The following MUC5AC variants were observed in gnomAD, a reference collection of about 807,000 sequenced individuals.
MUC5AC encodes the protein mucin 5AC, oligomeric mucus/gel-forming, also known as mucin-5AC.
Under a neutral mutation model 169.7 loss-of-function variants are expected in MUC5AC, and 158 were observed. The observed-to-expected ratio is 0.93, with a 90% CI of 0.82 to 1.06. The LOEUF (loss-of-function observed/expected upper bound fraction) is 1.06. Ranked by LOEUF, MUC5AC falls within the 50% of genes least tolerant of loss-of-function variation. The pLI is 0.00. For missense variants in MUC5AC, 4,359 were observed against 3,089.9 expected (o/e 1.41, Z -9.74); for synonymous variants, 1,975 against 1,237.0 (o/e 1.60, Z -12.52).
At chr11:1,193,913 A>G (rs1861189769) in intron 33 of MUC5AC, among the ~76,000 whole-genome samples, 197 bp from the exon 34 acceptor site, 1 of 152,236 alleles carries the variant, frequency 6.6e-6, no homozygotes, top group African/African-American at 2.4e-5. Flanking sequence ...GCCTCGCTCC[A>G]GCCTTGTCAA....
At position 1,168,866 on chromosome 11, in the gene MUC5AC, C is replaced by G. The variant is rs1175992775; in HGVS notation, c.1710C>G (p.Leu570=). The change falls in exon 15 of 49, where the codon CTC becomes CTG. Residue 570 remains leucine (L), a synonymous_variant. Coordinates refer to ENST00000621226, the MANE Select transcript of MUC5AC (RefSeq NM_001304359.2). The part of the protein sequence containing the change: ...APKLRGQTCG[L]CGNFNSIQAD... The stretch of plus-strand genomic sequence containing the variant: ...ACCTGCCTAACCCGCCCCCAGGTCT[C>G]TGTGGGAACTTCAACAGCATCCAGG... The G allele has an allele frequency of 1.3e-6, 2 of 1,594,714 alleles. No homozygotes were observed. The highest frequency in any genetic ancestry group is 2.2e-5 in the East Asian group (1 of 44,570).
At position 1,180,114 on chromosome 11, in the gene MUC5AC, C is replaced by T. The variant is rs1352021829; in HGVS notation, c.3577C>T (p.Arg1193Cys). 3.8e-5 allele frequency: 15 copies of T among 398,916 alleles called. No homozygotes were observed. The highest frequency in any genetic ancestry group is 6.2e-5 in the African/African-American group (3 of 48,616). The allele number at this position is 398,916 out of a possible 1,614,324, so 24.7% of individuals were successfully genotyped here. Residue 1193 changes from arginine (R) to cysteine (C), a missense_variant, in exon 27 of 49, where the codon CGT becomes TGT. Transcript: ENST00000621226. Reference sequence around the variant, plus strand: ...CTGCCTGCGCACCTGCCGGAACCCCCGTGGAGACTGCCTGCGGGACGTCCG... The same window carrying T: ...CTGCCTGCGCACCTGCCGGAACCCCTGTGGAGACTGCCTGCGGGACGTCCG... Reference protein sequence around the residue: ...VPCLRTCRNPRGDCLRDVRGL... With the variant: ...VPCLRTCRNPCGDCLRDVRGL...
Position 1,194,134 on chromosome 11 carries a change from C to T in MUC5AC, c.14780C>T (p.Pro4927Leu), listed in dbSNP as rs1181030784. 1.3e-6 allele frequency: 1 copy of T among 764,894 alleles called. No individual in the cohort carries two copies. The highest frequency in any genetic ancestry group is 2.4e-6 in the Non-Finnish European group (1 of 417,850). The allele number at this position is 764,894 out of a possible 1,614,324, so 47.4% of individuals were successfully genotyped here. A position where few individuals can be genotyped will look rare whatever the true frequency, so the allele number is the denominator to read the frequency against. Reference protein sequence around the residue: ...CQCVCSGWGDPHYITFDGTYY... With the variant: ...CQCVCSGWGDLHYITFDGTYY... ...GGTGTGTGCAGCGGCTGGGGTGACC[C>T]CCACTACATCACCTTCGACGGCACC... The change falls in exon 34 of 49, where the codon CCC becomes CTC. Residue 4927 changes from proline (P) to leucine (L), a missense_variant. Physicochemically the swap from Pro to Leu is moderately conservative, Grantham distance 98. Coordinates refer to ENST00000621226, the MANE Select transcript of MUC5AC (RefSeq NM_001304359.2).
chr11:1,160,245 G>A (rs1414124865), intron 1 of MUC5AC, among the ~76,000 whole-genome samples: 1 of 152,152 alleles, frequency 6.6e-6, no homozygotes, highest in Non-Finnish European at 1.5e-5. Context: ...CAGCCCCTCA[G>A]TGGGATCACT....
intron 15 of MUC5AC, among the ~76,000 whole-genome samples, chr11:1,170,913 C>CCTCA (rs1278044308): frequency 7.8e-6 from 1 of 128,204 alleles, no homozygotes; most frequent in Non-Finnish European, 1.6e-5. Flanking sequence ...CACTCACTCA[C>CCTCA]CTCACTCACT....
At chr11:1,181,099 C>T (rs1383721853) in intron 28 of MUC5AC, 40 bp from the exon 29 acceptor site, 26 of 398,410 alleles carry the variant, frequency 6.5e-5, no homozygotes, top group Non-Finnish European at 7.5e-5. Context: ...GGCACACGGC[C>T]GCCCCCACGC....
At chr11:1,170,674 A>C (rs1234525693) in intron 15 of MUC5AC, among the ~76,000 whole-genome samples, 4,283 of 21,194 alleles carry the variant, frequency 0.2, no homozygotes, top group Non-Finnish European at 0.22. Context: ...CCCACTCACC[A>C]ACTCACCCAT....
chr11:1,167,967 A>C lies in MUC5AC; in HGVS notation c.1477A>C (p.Ser493Arg). 1 of 1,550,678 alleles carries C rather than the reference A, an allele frequency of 6.4e-7. No homozygotes were observed. Among genetic ancestry groups the C allele is most frequent in the Non-Finnish European group, 8.7e-7 (1 of 1,147,300 alleles). ...GACCTGCCTGAAGAGCGTGACACTG[A>C]GCCTGGATGGGGCGCAGACGGTGAG... ...SETCLKSVTL[S>R]LDGAQTVVVI... Residue 493 changes from serine (S) to arginine (R), a missense_variant, in exon 12 of 49, where the codon AGC (serine) becomes CGC (arginine). Ser to Arg is a moderately radical substitution (Grantham distance 110). Coordinates refer to ENST00000621226, the MANE Select transcript of MUC5AC (RefSeq NM_001304359.2).
intron 48 of MUC5AC, 99 bp downstream of exon 48, chr11:1,200,068 T>G: frequency 1.6e-6 from 1 of 625,160 alleles, no homozygotes; most frequent in Non-Finnish European, 2.8e-6. Flanking sequence ...GGCAGGACCA[T>G]GAGGGGCCAG....
Position 1,192,341 on chromosome 11 carries a change from G to A in MUC5AC, c.14196G>A (p.Pro4732=), listed in dbSNP as rs72846342. The part of the protein sequence containing the change: ...VLCCETPRGC[P]VTSVTPYGTS... ...GCTGCGAGACCCCCAGAGGCTGCCCGGTGACCTCTGTGACCCCATATGGGA... is the reference window on the plus strand; with the variant it reads ...GCTGCGAGACCCCCAGAGGCTGCCCAGTGACCTCTGTGACCCCATATGGGA... Residue 4732 remains proline, a synonymous_variant, in exon 31 of 49, where the codon CCG becomes CCA. Coordinates refer to ENST00000621226, the MANE Select transcript of MUC5AC (RefSeq NM_001304359.2). The A allele has an allele frequency of 2.1e-5, 16 of 765,068 alleles. No individual in the cohort carries two copies. Among genetic ancestry groups the A allele is most frequent in the African/African-American group, 1.9e-4 (11 of 59,240 alleles). 47.4% of individuals were successfully genotyped at this position (765,068 alleles called of 1,614,324 possible).
At position 1,168,518 on chromosome 11, in the gene MUC5AC, GA is replaced by G; in HGVS notation, c.1535del (p.Asn512ThrfsTer34). 1 of 1,518,862 alleles carries G rather than the reference GA, an allele frequency of 6.6e-7. No homozygotes were observed. The highest frequency in any genetic ancestry group is 8.8e-7 in the Non-Finnish European group (1 of 1,130,964). The allele number at this position is 1,518,862 out of a possible 1,614,324, so 94.1% of individuals were successfully genotyped here. A position where few individuals can be genotyped will look rare whatever the true frequency, so the allele number is the denominator to read the frequency against. On this transcript the variant is annotated frameshift_variant, in exon 13 of 49. Coordinates refer to ENST00000621226, the MANE Select transcript of MUC5AC (RefSeq NM_001304359.2). LOFTEE classifies it high-confidence loss of function. ...VIKASGEVFL[N>X]QIYTQLPISA... The stretch of plus-strand genomic sequence containing the variant: ...TCAAGGCCAGTGGGGAAGTGTTCCT[GA>G]ACCAGATCTACACCCAGCTGCCCAT...
Position 1,167,865 on chromosome 11 carries a change from C to A in MUC5AC, c.1387-12C>A. On this transcript the variant is annotated splice_polypyrimidine_tract_variant and intron_variant, in intron 11 of 48. Transcript: ENST00000621226. ...TGGAGTGTGAGGACCCCTGGTGTGT[C>A]GTGTTCCGCAGCCCTGTGACAGCAG... 6.5e-7 allele frequency: 1 copy of A among 1,548,838 alleles called. No individual in the cohort carries two copies. The highest frequency in any genetic ancestry group is 8.7e-7 in the Non-Finnish European group (1 of 1,145,962).
chr11:1,175,684 GCACA>G lies in MUC5AC; in HGVS notation c.2401+420_2401+423del, dbSNP rs1324731167. ...TACACACGCACTCACACCCACTCAT[GCACA>G]CACACCCATTCATACTCATGCACAC... On this transcript the variant is annotated intron_variant, in intron 19 of 48. Coordinates refer to ENST00000621226, the MANE Select transcript of MUC5AC (RefSeq NM_001304359.2). Among the ~76,000 whole-genome samples the G allele has an allele frequency of 5.1e-5, 7 of 136,362 alleles. No individual in the cohort carries two copies. In the Admixed American group the frequency reaches 5.2e-4, roughly 10 times the overall value. The allele number at this position is 136,362 out of a possible 152,430, so 89.5% of individuals were successfully genotyped here. A position where few individuals can be genotyped will look rare whatever the true frequency, so the allele number is the denominator to read the frequency against.
chr11:1,197,660 G>T (rs1861312339), intron 41 of MUC5AC, 21 bp downstream of exon 41: 1 of 676,036 alleles, frequency 1.5e-6, no homozygotes, highest in East Asian at 2.7e-5. Context: ...TGCTGGGTGA[G>T]GGGCATGGTG....
Position 1,164,484 on chromosome 11 carries a change from TC to T in MUC5AC, c.1084del (p.Arg362GlyfsTer99). On this transcript the variant is annotated frameshift_variant, in exon 9 of 49. Coordinates refer to ENST00000621226, the MANE Select transcript of MUC5AC (RefSeq NM_001304359.2). LOFTEE classifies it high-confidence loss of function. ...AGACACCTGCTCCAACCAGGAGCAC[TC>T]CCGGGCCTGTGAGGACCACTGTGTG... is the stretch of plus-strand genomic sequence containing the variant. ...CADTCSNQEH[S>X]RACEDHCVAG... 6.2e-7 allele frequency: 1 copy of T among 1,611,774 alleles called. No homozygotes were observed. The highest frequency in any genetic ancestry group is 8.5e-7 in the Non-Finnish European group (1 of 1,179,536).
At chr11:1,200,368 G>T in intron 48 of MUC5AC, 70 bp from the exon 49 acceptor site, 1 of 624,130 alleles carries the variant, frequency 1.6e-6, no homozygotes. Context: ...CCAGAGCTCG[G>T]CACGGCGCCG....
In MUC5AC at chr11:1,190,536, T is replaced by C. The variant is rs1240594498; in HGVS notation, c.12391T>C (p.Ser4131Pro). 10 of 668,842 alleles carry C rather than the reference T, an allele frequency of 1.5e-5. No individual in the cohort carries two copies. Among genetic ancestry groups the C allele is most frequent in the Non-Finnish European group, 2.8e-5 (10 of 360,630 alleles). 41.4% of individuals were successfully genotyped at this position (668,842 alleles called of 1,614,324 possible). The stretch of plus-strand genomic sequence containing the variant: ...CTCTGCCCCTACAACCAGCACAACC[T>C]CTGCCCCTACAACCAGCACGACCTC... ...TTSAPTTSTT[S>P]APTTSTTSAP... The change falls in exon 31 of 49, where the codon TCT becomes CCT. Residue 4131 changes from serine to proline, a missense_variant. Coordinates refer to ENST00000621226, the MANE Select transcript of MUC5AC (RefSeq NM_001304359.2).
intron 28 of MUC5AC, 43 bp from the exon 29 acceptor site, chr11:1,181,096 G>C: frequency 2.5e-6 from 1 of 398,560 alleles, no homozygotes. Context: ...GAAGGCACAC[G>C]GCCGCCCCCA....
intron 27 of MUC5AC, 74 bp from the exon 28 acceptor site, chr11:1,180,280 G>A (rs2133749679): frequency 2.5e-6 from 1 of 398,682 alleles, no homozygotes; most frequent in Non-Finnish European, 4.4e-6. Context: ...GCTGCTTGGG[G>A]GCTGGGCGGA....
Sources: gnomAD v4.1 joint callset for allele counts (sites outside exome capture counted in the v4.1 genomes callset) on GRCh38, gnomAD v4.1.1 for gene constraint, MANE v1.5 for transcripts, NCBI Gene and HGNC (gene_info 2026-07-23, HGNC 2026-07-21) for gene names.